Variants in CDH18 observed in about 807,000 individuals in gnomAD.
CDH18 encodes the protein cadherin-18.
Under a neutral mutation model 67.9 loss-of-function variants are expected in CDH18, and 31 were observed. The ratio of observed to expected loss-of-function variants is 0.46; its 90% CI spans 0.34 to 0.62. The LOEUF is 0.62. Among genes scored for constraint, CDH18 ranks in the 20% least tolerant of loss-of-function variants. The probability of loss-of-function intolerance (pLI) is 0.01; values close to 1 mark genes in which losing one functional copy is unlikely to be tolerated. For missense variants in CDH18, 890 were observed against 975.5 expected, an observed-to-expected ratio of 0.91 and a Z score of 1.17; for synonymous variants, 362 against 347.2, an observed-to-expected ratio of 1.04 and a Z score of -0.48.
intron 2 of CDH18, among the ~76,000 whole-genome samples, chr5:20,239,113 C>G (rs8180522): frequency 0.7 from 106,646 of 152,072 alleles, 38,061 homozygotes; most frequent in African/African-American, 0.85. Flanking sequence ...ATGCTTAACA[C>G]AAGGAACTAG....
chr5:19,697,454 A>C (rs1402434), intron 5 of CDH18, among the ~76,000 whole-genome samples: 146,896 of 152,212 alleles, frequency 0.97, 71,087 homozygotes, highest in Middle Eastern at 1. Flanking sequence ...ATATTTGAAT[A>C]CGTAATGTAT....
At chr5:20,245,701 C>T (rs918304882) in intron 2 of CDH18, among the ~76,000 whole-genome samples, 54 of 152,186 alleles carry the variant, frequency 3.5e-4, no homozygotes, top group African/African-American at 1.3e-3. Context: ...TATTAAAATA[C>T]ACCATACCAC....
chr5:19,585,051 A>C (rs1743944555), intron 7 of CDH18, among the ~76,000 whole-genome samples: 1 of 152,016 alleles, frequency 6.6e-6, no homozygotes, highest in Non-Finnish European at 1.5e-5. Context: ...ATTAAATGTC[A>C]AGAATATTTT....
chr5:20,003,121 C>T (rs73050988), intron 2 of CDH18, among the ~76,000 whole-genome samples: 21,779 of 152,070 alleles, frequency 0.14, 3,663 homozygotes, highest in African/African-American at 0.4. Flanking sequence ...TCAGCTGGAA[C>T]AAGTATACAT....
At chr5:20,268,280 G>A (rs1745192253) in intron 1 of CDH18, among the ~76,000 whole-genome samples, 1 of 152,046 alleles carries the variant, frequency 6.6e-6, no homozygotes, top group Admixed American at 6.6e-5. Flanking sequence ...GTCTTTTTGG[G>A]TATTCCTTTG....
chr5:20,161,251 T>C (rs1309159704), intron 2 of CDH18, among the ~76,000 whole-genome samples: 2 of 152,230 alleles, frequency 1.3e-5, no homozygotes. Context: ...GCCTGGCTGA[T>C]GCCAACACAG....
intron 2 of CDH18, among the ~76,000 whole-genome samples, chr5:20,244,254 T>G (rs1278918631): frequency 6.6e-6 from 1 of 152,002 alleles, no homozygotes; most frequent in Non-Finnish European, 1.5e-5. Context: ...GATAAAGAAG[T>G]TTTCAGAATA....
At chr5:19,685,299 T>C (rs1439716479) in intron 5 of CDH18, among the ~76,000 whole-genome samples, 1 of 152,186 alleles carries the variant, frequency 6.6e-6, no homozygotes, top group Non-Finnish European at 1.5e-5. Flanking sequence ...GTCAGGTGAC[T>C]CTACTAGACA....
chr5:20,025,216 T>C (rs1738787988), intron 2 of CDH18, among the ~76,000 whole-genome samples: 1 of 152,182 alleles, frequency 6.6e-6, no homozygotes, highest in Admixed American at 6.5e-5. Context: ...CGCCTTTCAA[T>C]GTACAGATCT....
intron 3 of CDH18, among the ~76,000 whole-genome samples, chr5:19,818,392 A>G (rs1779513333): frequency 6.6e-6 from 1 of 151,248 alleles, no homozygotes; most frequent in Non-Finnish European, 1.5e-5. Context: ...TCTTATTTAC[A>G]ACATGATTCA....
At chr5:19,960,586 T>TATATATACACACAC (rs1357426735) in intron 2 of CDH18, among the ~76,000 whole-genome samples, 5 of 132,752 alleles carry the variant, frequency 3.8e-5, no homozygotes, top group African/African-American at 1.7e-4. Flanking sequence ...TGTGTGTGTG[T>TATATATACACACAC]GTGTATATAT....
At chr5:20,335,580 G>A (rs1297445593) in intron 1 of CDH18, among the ~76,000 whole-genome samples, 6 of 152,096 alleles carry the variant, frequency 3.9e-5, no homozygotes, top group Admixed American at 1.3e-4. Context: ...ATAAGTCCCA[G>A]GGACACCTTA....
At position 20,341,665 on chromosome 5, in the gene CDH18, A is replaced by G. The variant is rs191464242; in HGVS notation, c.-579-86160T>C. Reference sequence around the variant, plus strand: ...ATTTTGGTACCAGGAGTGGTTCTGGATAACAGAATATTAAGGATGGAGTTC... The same window carrying G: ...ATTTTGGTACCAGGAGTGGTTCTGGGTAACAGAATATTAAGGATGGAGTTC... On this transcript the variant is annotated intron_variant, in intron 1 of 14. Coordinates refer to the CDH18 transcript ENST00000507958. Among the ~76,000 whole-genome samples the G allele has an allele frequency of 1.3e-3, 200 of 152,128 alleles. 2 individuals carry two copies. The Middle Eastern group carries it at 0.027, about 21-fold the overall frequency.
chr5:20,371,028 C>T (rs939666569), intron 1 of CDH18, among the ~76,000 whole-genome samples: 1 of 144,712 alleles, frequency 6.9e-6, no homozygotes, highest in African/African-American at 2.7e-5. Flanking sequence ...CAGGGCGAGA[C>T]TCTGTCTCAA....
chr5:19,716,378 T>G (rs894531333), intron 5 of CDH18, among the ~76,000 whole-genome samples: 3 of 152,136 alleles, frequency 2.0e-5, no homozygotes, highest in African/African-American at 7.2e-5. Flanking sequence ...TATTTATAAT[T>G]TACGCTATAT....
chr5:19,533,906 T>C (rs1456696340), intron 9 of CDH18, among the ~76,000 whole-genome samples: 1 of 152,148 alleles, frequency 6.6e-6, no homozygotes, highest in Non-Finnish European at 1.5e-5. Context: ...GTATTAGAAA[T>C]TTAATGAAAG....
At chr5:20,058,534 T>C (rs767900993) in intron 2 of CDH18, among the ~76,000 whole-genome samples, 2 of 152,154 alleles carry the variant, frequency 1.3e-5, no homozygotes, top group Non-Finnish European at 2.9e-5. Flanking sequence ...GCTGCATCTA[T>C]TGAAGGTAGA....
intron 5 of CDH18, among the ~76,000 whole-genome samples, chr5:19,619,609 T>G (rs1004407052): frequency 2.6e-5 from 4 of 152,348 alleles, no homozygotes; most frequent in African/African-American, 9.6e-5. Context: ...AGGTACTCAG[T>G]GATTAAAATA....
intron 5 of CDH18, among the ~76,000 whole-genome samples, chr5:19,702,148 C>CT (rs70950086): frequency 0.83 from 95,532 of 114,734 alleles, 41,840 homozygotes; most frequent in East Asian, 0.98. Context: ...CTTTCTCTCT[C>CT]TTTTTTTTTT....
Sources: allele counts gnomAD v4.1 joint callset (sites outside exome capture counted in the v4.1 genomes callset), GRCh38; gene constraint gnomAD v4.1.1; transcripts MANE v1.5; gene names NCBI Gene and HGNC (gene_info 2026-07-23, HGNC 2026-07-21).